Variants in TCAF1 observed in about 807,000 individuals in gnomAD.
TCAF1 encodes TRPM8 channel associated factor 1, also known as TRPM8 channel-associated factor 1.
TCAF1 carries 4 observed loss-of-function variants against 27.3 expected under a neutral mutation model. The observed-to-expected ratio is 0.15, with a 90% CI of 0.07 to 0.34. The LOEUF (loss-of-function observed/expected upper bound fraction) is 0.34. Ranked by LOEUF, TCAF1 falls within the 10% of genes least tolerant of loss-of-function variation. The probability of loss-of-function intolerance (pLI) is 1.00; values close to 1 mark genes in which losing one functional copy is unlikely to be tolerated. For missense variants in TCAF1, 257 were observed against 425.8 expected (o/e 0.60, Z 3.49); for synonymous variants, 105 against 167.1 (o/e 0.63, Z 2.87).
At chr7:143,895,047 G>A (rs1199127783) in intron 1 of TCAF1, among the ~76,000 whole-genome samples, 4 of 151,668 alleles carry the variant, frequency 2.6e-5, no homozygotes, top group African/African-American at 7.3e-5. Context: ...TCCATTTCAC[G>A]TGGCTAAAAT....
At chr7:143,870,244 G>T in intron 2 of TCAF1, among the ~76,000 whole-genome samples, 2 of 140,402 alleles carry the variant, frequency 1.4e-5, no homozygotes, top group African/African-American at 2.6e-5. Flanking sequence ...TTATTTCCTC[G>T]TTTCTTCTAC....
chr7:143,857,395 AG>A (rs1305609588), intron 7 of TCAF1, 45 bp from the exon 8 acceptor site: 1 of 757,498 alleles, frequency 1.3e-6, no homozygotes, highest in Non-Finnish European at 2.2e-6. Flanking sequence ...GAAATAAAAA[AG>A]GGTCCAACAA....
chr7:143,881,023 T>C (rs952740991), intron 1 of TCAF1, among the ~76,000 whole-genome samples: 1 of 152,212 alleles, frequency 6.6e-6, no homozygotes, highest in African/African-American at 2.4e-5. Flanking sequence ...GCAGAAAGTA[T>C]TGAAGGCACA....
intron 1 of TCAF1, among the ~76,000 whole-genome samples, chr7:143,883,654 C>T (rs1415950623): frequency 6.6e-6 from 1 of 151,858 alleles, no homozygotes; most frequent in African/African-American, 2.4e-5. Flanking sequence ...TACAGGCGCC[C>T]GCCATCACGC....
In TCAF1 at chr7:143,876,476, C is replaced by T; in HGVS notation, c.133G>A (p.Gly45Ser). 1 of 1,599,534 alleles carries T rather than the reference C, an allele frequency of 6.3e-7. No individual in the cohort carries two copies. Among genetic ancestry groups the T allele is most frequent in the Non-Finnish European group, 8.5e-7 (1 of 1,174,140 alleles). ...GAGGAGGCAGCAATGAGGACCTGGCCCATGTCATTCACCATCACAGGAAAT... is the reference window on the plus strand; with the variant it reads ...GAGGAGGCAGCAATGAGGACCTGGCTCATGTCATTCACCATCACAGGAAAT... ...ASFPVMVNDMGQVLIAASSYG... is the reference protein window; with the variant it reads ...ASFPVMVNDMSQVLIAASSYG... Residue 45 changes from glycine (G) to serine (S), a missense_variant, in exon 2 of 9, where the codon GGC becomes AGC. Around this residue, in one of 2 missense-constraint regions of TCAF1, gnomAD observed 255 missense variants for 260.1 expected, o/e 0.98. Coordinates refer to ENST00000479870, the MANE Select transcript of TCAF1 (RefSeq NM_014719.3).
intron 1 of TCAF1, among the ~76,000 whole-genome samples, chr7:143,878,995 T>G (rs1001637524): frequency 3.9e-5 from 6 of 152,234 alleles, no homozygotes; most frequent in African/African-American, 1.4e-4. Context: ...CTGGGGACCA[T>G]CTACTGCCTC....
chr7:143,883,596 C>T (rs1391659625), intron 1 of TCAF1, among the ~76,000 whole-genome samples: 1 of 150,606 alleles, frequency 6.6e-6, no homozygotes, highest in African/African-American at 2.4e-5. Context: ...ACCTCCGCCT[C>T]CCGAGTTCAA....
intron 1 of TCAF1, among the ~76,000 whole-genome samples, chr7:143,883,447 C>T (rs917122786): frequency 1.3e-5 from 2 of 150,804 alleles, no homozygotes; most frequent in African/African-American, 4.9e-5. Flanking sequence ...AATAGTTAAC[C>T]AAAATGTATT....
At position 143,852,095 on chromosome 7, in the gene TCAF1, A is replaced by G. The variant is rs1811326975; in HGVS notation, c.*2038T>C. The stretch of plus-strand genomic sequence containing the variant: ...TATCATCATGCCTGTGCCATAGAAA[A>G]GGAAATGTACCTATCAAGCCTCTTC... On this transcript the variant is annotated 3_prime_UTR_variant, in exon 9 of 9. Coordinates refer to ENST00000479870, the MANE Select transcript of TCAF1 (RefSeq NM_014719.3). The G allele has an allele frequency of 6.6e-6, 1 of 151,230 alleles. No individual in the cohort carries two copies. The allele number at this position is 151,230 out of a possible 1,614,324, so 9.4% of individuals were successfully genotyped here.
intron 1 of TCAF1, chr7:143,885,033 C>A (rs575713348): frequency 2.0e-6 from 2 of 985,278 alleles, no homozygotes; most frequent in Non-Finnish European, 2.4e-6. Flanking sequence ...AGGCCAAAAA[C>A]GCGACCACTT....
rs1491133898 is a variant in TCAF1 at position 143,860,044 on chromosome 7, AAT to A, written c.2167+162_2167+163del. ...ATTATATATTATATATATAATATAT[AAT>A]ATATATTATATATATTTCCTTCCCA... On this transcript the variant is annotated intron_variant, in intron 6 of 8. Coordinates refer to ENST00000479870, the MANE Select transcript of TCAF1 (RefSeq NM_014719.3). Among the ~76,000 whole-genome samples, 31 of 78,066 alleles carry A rather than the reference AAT, an allele frequency of 4.0e-4. 3 individuals are homozygous for A. Among genetic ancestry groups the A allele is most frequent in the Non-Finnish European group, 6.7e-4 (29 of 43,288 alleles). 51.2% of individuals were successfully genotyped at this position (78,066 alleles called of 152,430 possible). A position where few individuals can be genotyped will look rare whatever the true frequency, so the allele number is the denominator to read the frequency against.
chr7:143,899,886 G>A (rs1229994060), intron 1 of TCAF1, among the ~76,000 whole-genome samples: 1 of 152,138 alleles, frequency 6.6e-6, no homozygotes, highest in Non-Finnish European at 1.5e-5. Context: ...CATATAAAAA[G>A]TCAATCTCAT....
At chr7:143,884,405 T>C (rs1004586134) in intron 1 of TCAF1, among the ~76,000 whole-genome samples, 8 of 152,188 alleles carry the variant, frequency 5.3e-5, no homozygotes, top group South Asian at 2.1e-4. Flanking sequence ...GAATTCAAGA[T>C]TCTGCCAAGT....
intron 1 of TCAF1, among the ~76,000 whole-genome samples, chr7:143,876,831 A>G (rs1412396317): frequency 6.6e-6 from 1 of 152,202 alleles, no homozygotes; most frequent in East Asian, 1.9e-4. Flanking sequence ...AGTCAAACTT[A>G]GAGAGCTTGA....
intron 6 of TCAF1, among the ~76,000 whole-genome samples, chr7:143,859,925 TTATATAATA>T (rs1323776536): frequency 2.4e-5 from 2 of 83,420 alleles, no homozygotes; most frequent in East Asian, 3.7e-4. Flanking sequence ...GGAATATATA[TTATATAATA>T]TATATTATAT....
Position 143,876,415 on chromosome 7 carries a change from T to C in TCAF1, c.194A>G (p.Glu65Gly), listed in dbSNP as rs1348996692. 1 of 1,613,120 alleles carries C rather than the reference T, an allele frequency of 6.2e-7. No homozygotes were observed. The highest frequency in any genetic ancestry group is 2.2e-5 in the East Asian group (1 of 44,860). The change falls in exon 2 of 9, where the codon GAG becomes GGG. Residue 65 changes from glutamate to glycine, a missense_variant. By Grantham distance (98) the Glu-to-Gly change is moderately conservative (BLOSUM62 -2). Coordinates refer to ENST00000479870, the MANE Select transcript of TCAF1 (RefSeq NM_014719.3). ...GAGCTGGGCTTCCACCAAGTAGTCC[T>C]CATGGGACACGACCACCAGGCGGCC... ...GRGRLVVVSHEDYLVEAQLTP... is the reference protein window; with the variant it reads ...GRGRLVVVSHGDYLVEAQLTP...
intron 1 of TCAF1, chr7:143,882,573 G>T: frequency 1.0e-6 from 1 of 985,346 alleles, no homozygotes; most frequent in Non-Finnish European, 1.2e-6. Context: ...CTCTGTCCCC[G>T]ATGATTTCTG....
At chr7:143,879,680 T>C (rs989916677) in intron 1 of TCAF1, among the ~76,000 whole-genome samples, 4 of 152,124 alleles carry the variant, frequency 2.6e-5, no homozygotes, top group Non-Finnish European at 4.4e-5. Context: ...TACAGACAGA[T>C]AGACTAATGA....
rs532375817 is a variant in TCAF1, at chr7:143,875,812, G to A, written c.620+177C>T. Among the ~76,000 whole-genome samples the A allele has an allele frequency of 7.9e-5, 12 of 152,306 alleles. No homozygotes were observed. In the South Asian group the frequency reaches 2.5e-3, roughly 32 times the overall value. ...GGTCTGGTTTGGGAAGACAGGGGCA[G>A]TGAGGACCTTGCCCCTCCTATGTCT... On this transcript the variant is annotated intron_variant, in intron 2 of 8. Transcript: ENST00000479870.
Sources: gnomAD v4.1 joint callset for allele counts (sites outside exome capture counted in the v4.1 genomes callset) on GRCh38, gnomAD v4.1.1 for gene constraint, gnomAD v4.1.1 regional missense constraint, MANE v1.5 for transcripts, NCBI Gene and HGNC (gene_info 2026-07-23, HGNC 2026-07-21) for gene names.